Variants in KCNAB1 observed in about 807,000 individuals in gnomAD.
KCNAB1 encodes the protein voltage-gated potassium channel subunit beta-1.
KCNAB1 carries 35 observed loss-of-function variants against 64.6 expected under a neutral mutation model. The observed-to-expected ratio is 0.54, with a 90% confidence interval of 0.41 to 0.72. The LOEUF is 0.72. Among genes scored for constraint, KCNAB1 ranks in the 30% least tolerant of loss-of-function variants. The pLI is 0.00. For synonymous variants in KCNAB1, 177 were observed against 183.8 expected (o/e 0.96, Z 0.30); for missense variants, 401 against 512.9 (o/e 0.78, Z 2.11).
chr3:156,319,760 A>G (rs1722531283), intron 1 of KCNAB1, among the ~76,000 whole-genome samples: 1 of 152,204 alleles, frequency 6.6e-6, no homozygotes, highest in African/African-American at 2.4e-5. Context: ...CTGCTTATCC[A>G]CATCTCCTAT....
At chr3:156,376,489 C>T (rs1397337518) in intron 1 of KCNAB1, among the ~76,000 whole-genome samples, 2 of 152,192 alleles carry the variant, frequency 1.3e-5, no homozygotes, top group African/African-American at 4.8e-5. Flanking sequence ...AACACTATAA[C>T]ACATAGTGGA....
Position 156,536,820 on chromosome 3 carries a change from C to A in KCNAB1, c.*73C>A, listed in dbSNP as rs1719091987. The A allele has an allele frequency of 3.8e-6, 4 of 1,051,908 alleles. No individual in the cohort carries two copies. In the Admixed American group the frequency reaches 5.2e-5, roughly 14 times the overall value. 65.2% of individuals were successfully genotyped at this position (1,051,908 alleles called of 1,614,324 possible). On this transcript the variant is annotated 3_prime_UTR_variant, in exon 14 of 14. Coordinates refer to ENST00000490337, the MANE Select transcript of KCNAB1 (RefSeq NM_172160.3). ...GCCCAGTACAGAAAGGTGTTACTAA[C>A]CAGTCTTTTGAATCACTTAGCAGCT...
intron 1 of KCNAB1, among the ~76,000 whole-genome samples, chr3:156,377,585 C>T (rs913290023): frequency 6.6e-6 from 1 of 152,154 alleles, no homozygotes; most frequent in African/African-American, 2.4e-5. Flanking sequence ...GCTTAACGAG[C>T]TCTGCAGTCA....
intron 8 of KCNAB1, among the ~76,000 whole-genome samples, chr3:156,501,020 A>C (rs1716362879): frequency 6.6e-6 from 1 of 152,262 alleles, no homozygotes; most frequent in Non-Finnish European, 1.5e-5. Context: ...GTCCTGAAGT[A>C]GGCCTTTCCG....
At chr3:156,292,466 T>C (rs1459808885) in intron 1 of KCNAB1, among the ~76,000 whole-genome samples, 2 of 152,264 alleles carry the variant, frequency 1.3e-5, no homozygotes, top group East Asian at 3.8e-4. Flanking sequence ...TTCTATTTTA[T>C]GATAAAGACA....
intron 1 of KCNAB1, among the ~76,000 whole-genome samples, chr3:156,225,326 C>A (rs1028096785): frequency 3.3e-5 from 5 of 152,172 alleles, no homozygotes; most frequent in African/African-American, 9.6e-5. Context: ...AATCACATGA[C>A]CTTCTCAATA....
At chr3:156,500,500 C>T (rs1716326199) in intron 8 of KCNAB1, among the ~76,000 whole-genome samples, 1 of 152,054 alleles carries the variant, frequency 6.6e-6, no homozygotes, top group Non-Finnish European at 1.5e-5. Context: ...AATACTGCAA[C>T]CCAAAGCTCA....
At chr3:156,446,764 C>T (rs1323363327) in intron 2 of KCNAB1, 3 of 152,338 alleles carry the variant, frequency 2.0e-5, no homozygotes, top group Non-Finnish European at 4.4e-5. Context: ...CACCTTGGAC[C>T]AAACCACTGT....
At chr3:156,392,895 G>A (rs1011718830) in intron 1 of KCNAB1, among the ~76,000 whole-genome samples, 2 of 152,180 alleles carry the variant, frequency 1.3e-5, no homozygotes, top group Middle Eastern at 3.2e-3. Context: ...ATGCTCATTA[G>A]TGAGATTGGT....
chr3:156,244,763 A>G (rs929518006), intron 1 of KCNAB1, among the ~76,000 whole-genome samples: 1 of 152,198 alleles, frequency 6.6e-6, no homozygotes, highest in African/African-American at 2.4e-5. Flanking sequence ...TCCAGCCTAG[A>G]GGATAAAGAC....
chr3:156,479,515 G>A (rs549725189), intron 8 of KCNAB1, among the ~76,000 whole-genome samples: 4 of 152,182 alleles, frequency 2.6e-5, no homozygotes, highest in South Asian at 2.1e-4. Flanking sequence ...AACAGATTGA[G>A]CCTAACTGTG....
intron 1 of KCNAB1, among the ~76,000 whole-genome samples, chr3:156,156,210 TC>T (rs1392634272): frequency 1.3e-5 from 2 of 152,188 alleles, no homozygotes; most frequent in Non-Finnish European, 2.9e-5. Context: ...AGAGGTTAAC[TC>T]CCAGGAGTTG....
chr3:156,507,433 C>A (rs1716898812), intron 8 of KCNAB1, among the ~76,000 whole-genome samples: 1 of 152,274 alleles, frequency 6.6e-6, no homozygotes. Flanking sequence ...ATTCAGCAAA[C>A]CTTTAAGATA....
intron 13 of KCNAB1, among the ~76,000 whole-genome samples, chr3:156,536,028 C>T (rs1719033794): frequency 6.6e-6 from 1 of 152,228 alleles, no homozygotes; most frequent in Admixed American, 6.5e-5. Flanking sequence ...CACTCCAGTT[C>T]ACTTTTCCAT....
At chr3:156,211,740 A>G (rs1164337775) in intron 1 of KCNAB1, among the ~76,000 whole-genome samples, 1 of 152,206 alleles carries the variant, frequency 6.6e-6, no homozygotes, top group Non-Finnish European at 1.5e-5. Context: ...TGTGGTGATT[A>G]CTCAAAGGAA....
At chr3:156,309,697 T>C (rs1361413939) in intron 1 of KCNAB1, among the ~76,000 whole-genome samples, 1 of 152,200 alleles carries the variant, frequency 6.6e-6, no homozygotes, top group African/African-American at 2.4e-5. Flanking sequence ...ACAATCTTTG[T>C]GATCAGCATC....
At chr3:156,511,260 C>A (rs566021445) in intron 8 of KCNAB1, among the ~76,000 whole-genome samples, 2 of 151,974 alleles carry the variant, frequency 1.3e-5, no homozygotes, top group African/African-American at 4.8e-5. Flanking sequence ...CCCGCCACCA[C>A]GCCCGGCTAA....
At position 156,225,369 on chromosome 3, in the gene KCNAB1, A is replaced by G. The variant is rs983573950; in HGVS notation, c.275+104483A>G. Among the ~76,000 whole-genome samples the G allele has an allele frequency of 7.2e-5, 11 of 152,224 alleles. No homozygotes were observed. The East Asian group carries it at 7.7e-4, about 11-fold the overall frequency. On this transcript the variant is annotated intron_variant, in intron 1 of 13. Transcript: ENST00000490337. Reference sequence around the variant, plus strand: ...AAAAAGCATTTGACAAAAATCCAACATTGCTTTATGATTAAAATCCTCAGC... The same window carrying G: ...AAAAAGCATTTGACAAAAATCCAACGTTGCTTTATGATTAAAATCCTCAGC...
intron 1 of KCNAB1, among the ~76,000 whole-genome samples, chr3:156,380,199 T>G (rs1712045992): frequency 6.6e-6 from 1 of 152,170 alleles, no homozygotes; most frequent in Admixed American, 6.6e-5. Flanking sequence ...TTCCCCTCTA[T>G]CTTCCATTGC....
Sources: gnomAD v4.1 joint callset for allele counts (sites outside exome capture counted in the v4.1 genomes callset) on GRCh38, gnomAD v4.1.1 for gene constraint, MANE v1.5 for transcripts, NCBI Gene and HGNC (gene_info 2026-07-23, HGNC 2026-07-21) for gene names.